Variants in TECRL observed in about 807,000 individuals in gnomAD.
The protein encoded by TECRL is trans-2,3-enoyl-CoA reductase like.
A neutral mutation model predicts 52.8 loss-of-function variants in TECRL; 63 were observed. The observed-to-expected ratio is 1.19, with a 90% CI of 0.97 to 1.47. The LOEUF (loss-of-function observed/expected upper bound fraction) is 1.47. Ranked by LOEUF, TECRL falls within the 40% of genes most tolerant of loss-of-function variation. The pLI is 0.00. For missense variants in TECRL, 482 were observed against 429.6 expected (o/e 1.12, Z -1.08); for synonymous variants, 164 against 141.9 (o/e 1.16, Z -1.10).
intron 1 of TECRL, among the ~76,000 whole-genome samples, chr4:64,404,247 AAGAG>A (rs1724564081): frequency 6.6e-6 from 1 of 151,206 alleles, no homozygotes; most frequent in African/African-American, 2.4e-5. Context: ...CAATAGGAGA[AAGAG>A]AGCTCTTGAG....
In TECRL at chr4:64,404,750, A is replaced by C. The variant is rs139861587; in HGVS notation, c.234+4368T>G. 5.8e-4 allele frequency among the ~76,000 whole-genome samples: 88 copies of C among 152,232 alleles called. 2 individuals carry two copies. Among genetic ancestry groups the C allele is most frequent in the African/African-American group, 2.0e-3 (84 of 41,586 alleles). ...ATAAGCTGGGGAGAATTTGAGCAGTAGGTAAAAGGGTTTGAGAGAATGTCT... is the reference window on the plus strand; with the variant it reads ...ATAAGCTGGGGAGAATTTGAGCAGTCGGTAAAAGGGTTTGAGAGAATGTCT... On this transcript the variant is annotated intron_variant, in intron 1 of 11. Coordinates refer to ENST00000381210, the MANE Select transcript of TECRL (RefSeq NM_001010874.5).
chr4:64,343,722 A>G (rs1040925548), intron 2 of TECRL, among the ~76,000 whole-genome samples: 7 of 152,016 alleles, frequency 4.6e-5, no homozygotes, highest in African/African-American at 1.2e-4. Flanking sequence ...TCTTGCTACA[A>G]ATTATTCAAC....
chr4:64,338,734 TATC>T (rs1719318539), intron 2 of TECRL, among the ~76,000 whole-genome samples: 1 of 152,134 alleles, frequency 6.6e-6, no homozygotes, highest in African/African-American at 2.4e-5. Context: ...CACAATGAAA[TATC>T]ATCTCACACC....
At chr4:64,376,080 T>C (rs1322350130) in intron 1 of TECRL, among the ~76,000 whole-genome samples, 1 of 151,866 alleles carries the variant, frequency 6.6e-6, no homozygotes, top group Admixed American at 6.6e-5. Flanking sequence ...TTTGAAAGGG[T>C]TAAATAAAAA....
chr4:64,378,572 A>T (rs1206868749), intron 1 of TECRL, among the ~76,000 whole-genome samples: 2 of 152,106 alleles, frequency 1.3e-5, no homozygotes, highest in African/African-American at 4.8e-5. Flanking sequence ...TTCAGAATGG[A>T]CAAGGATTTT....
intron 2 of TECRL, among the ~76,000 whole-genome samples, chr4:64,358,752 A>G (rs925896139): frequency 2.0e-5 from 3 of 151,818 alleles, no homozygotes. Context: ...GTTTTTATAA[A>G]TGAGGCATTG....
chr4:64,367,669 TG>T (rs11287813), intron 2 of TECRL, among the ~76,000 whole-genome samples: 136,703 of 152,110 alleles, frequency 0.9, 62,089 homozygotes, highest in East Asian at 1. Flanking sequence ...CAAATAATAA[TG>T]ACCTTCAAAA....
intron 4 of TECRL, among the ~76,000 whole-genome samples, chr4:64,320,646 T>A (rs748284514): frequency 7.2e-5 from 11 of 152,036 alleles, no homozygotes; most frequent in Non-Finnish European, 1.2e-4. Flanking sequence ...AGCTGAAATT[T>A]CTAATGATTT....
At chr4:64,377,152 T>G (rs1308085638) in intron 1 of TECRL, among the ~76,000 whole-genome samples, 1 of 152,092 alleles carries the variant, frequency 6.6e-6, no homozygotes, top group Non-Finnish European at 1.5e-5. Context: ...CTAAAAATTT[T>G]CATTTGACTT....
intron 2 of TECRL, among the ~76,000 whole-genome samples, chr4:64,374,800 C>T (rs375863331): frequency 6.6e-6 from 1 of 152,044 alleles, no homozygotes; most frequent in Non-Finnish European, 1.5e-5. Context: ...TTTTCTTAAT[C>T]CAGTCTATCT....
At chr4:64,301,656 G>A (rs185554844) in intron 7 of TECRL, among the ~76,000 whole-genome samples, 3 of 151,320 alleles carry the variant, frequency 2.0e-5, no homozygotes, top group East Asian at 3.9e-4. Context: ...AGGATATCTT[G>A]TAATCTGGGA....
At chr4:64,276,386 C>CATAT (rs1292049292), downstream of TECRL, 1 of 151,746 alleles carries the variant, frequency 6.6e-6, no homozygotes, top group Non-Finnish European at 1.5e-5. Context: ...TTAAAGACAG[C>CATAT]ATATTACTTC....
intron 3 of TECRL, among the ~76,000 whole-genome samples, chr4:64,327,939 C>T (rs1425444266): frequency 6.6e-6 from 1 of 151,818 alleles, no homozygotes; most frequent in Non-Finnish European, 1.5e-5. Flanking sequence ...CCACAGCTTT[C>T]ATTAAAATTT....
intron 2 of TECRL, among the ~76,000 whole-genome samples, chr4:64,350,713 CT>C (rs550201695): frequency 1.0e-3 from 157 of 152,036 alleles, no homozygotes; most frequent in African/African-American, 3.7e-3. Context: ...AGCGGACTGC[CT>C]TTTAACTCGA....
chr4:64,366,960 A>T (rs1272999342), intron 2 of TECRL, among the ~76,000 whole-genome samples: 1 of 152,138 alleles, frequency 6.6e-6, no homozygotes, highest in Non-Finnish European at 1.5e-5. Flanking sequence ...ACTATTCACA[A>T]TAGCAAAGTT....
chr4:64,285,659 A>T (rs1723042737), intron 9 of TECRL, among the ~76,000 whole-genome samples: 1 of 152,166 alleles, frequency 6.6e-6, no homozygotes, highest in Admixed American at 6.6e-5. Context: ...AAAAATTCAT[A>T]ATCAAAAGAT....
chr4:64,395,259 A>G (rs1046745089), intron 1 of TECRL, among the ~76,000 whole-genome samples: 1 of 152,054 alleles, frequency 6.6e-6, no homozygotes, highest in African/African-American at 2.4e-5. Context: ...TATGTATTTT[A>G]CCCAAATTAT....
intron 1 of TECRL, among the ~76,000 whole-genome samples, chr4:64,376,335 A>G (rs1234499741): frequency 1.3e-5 from 2 of 152,038 alleles, no homozygotes; most frequent in Admixed American, 1.3e-4. Flanking sequence ...AGGTATTTCA[A>G]TTTGTGTTAT....
chr4:64,321,262 G>A (rs915396911), intron 4 of TECRL, among the ~76,000 whole-genome samples: 1 of 151,870 alleles, frequency 6.6e-6, no homozygotes, highest in African/African-American at 2.4e-5. Flanking sequence ...AATTAAATTT[G>A]TGTTAGATTA....
Sources: gnomAD v4.1 joint callset for allele counts (sites outside exome capture counted in the v4.1 genomes callset) on GRCh38, gnomAD v4.1.1 for gene constraint, MANE v1.5 for transcripts, NCBI Gene and HGNC (gene_info 2026-07-23, HGNC 2026-07-21) for gene names.